The following COG5 variants were observed in gnomAD, a reference collection of about 807,000 sequenced individuals.
The protein encoded by COG5 is conserved oligomeric Golgi complex subunit 5.
COG5 carries 86 observed loss-of-function variants against 110.4 expected under a neutral mutation model. That is an observed-to-expected ratio of 0.78 (90% CI 0.65 to 0.93). The LOEUF (loss-of-function observed/expected upper bound fraction) is 0.93. COG5 is among the 40% of genes least tolerant of loss of function. The pLI is 0.00. For synonymous variants in COG5, 360 were observed against 334.6 expected (o/e 1.08, Z -0.83); for missense variants, 1,077 against 987.0 (o/e 1.09, Z -1.22).
intron 7 of COG5, among the ~76,000 whole-genome samples, chr7:107,396,453 G>C (rs1207241117): frequency 6.8e-6 from 1 of 146,868 alleles, no homozygotes; most frequent in Non-Finnish European, 1.5e-5. Flanking sequence ...TCATACACCA[G>C]AAATCAACTT....
At chr7:107,222,639 A>T (rs1403516372) in intron 19 of COG5, among the ~76,000 whole-genome samples, 1 of 152,228 alleles carries the variant, frequency 6.6e-6, no homozygotes, top group Non-Finnish European at 1.5e-5. Context: ...TGTTTTAAGA[A>T]GCTGAAAGAA....
intron 6 of COG5, among the ~76,000 whole-genome samples, chr7:107,440,459 G>GT (rs1794640529): frequency 6.6e-6 from 1 of 151,816 alleles, no homozygotes; most frequent in Non-Finnish European, 1.5e-5. Context: ...CCCAAATATT[G>GT]TATCAGGTTC....
intron 7 of COG5, among the ~76,000 whole-genome samples, chr7:107,387,815 T>A (rs1404123471): frequency 6.6e-6 from 1 of 152,232 alleles, no homozygotes; most frequent in Non-Finnish European, 1.5e-5. Flanking sequence ...CCCATAAATA[T>A]CGTGAGTGAC....
At chr7:107,331,956 C>G (rs1465676000) in intron 10 of COG5, among the ~76,000 whole-genome samples, 1 of 151,270 alleles carries the variant, frequency 6.6e-6, no homozygotes, top group East Asian at 2.0e-4. Context: ...ATAAATGATT[C>G]CCGTGCCTCA....
chr7:107,398,409 C>T (rs1159959484), intron 7 of COG5, among the ~76,000 whole-genome samples: 1 of 152,188 alleles, frequency 6.6e-6, no homozygotes, highest in Non-Finnish European at 1.5e-5. Context: ...AGCATTATAA[C>T]CTGAGCTCTG....
chr7:107,258,499 G>C (rs1053601133), intron 14 of COG5, 116 bp from the exon 15 acceptor site: 1 of 738,138 alleles, frequency 1.4e-6, no homozygotes, highest in Non-Finnish European at 2.5e-6. Context: ...CCGGGGAGAA[G>C]TTCATGCCCC....
chr7:107,307,581 A>C (rs1807837355), intron 11 of COG5, among the ~76,000 whole-genome samples: 1 of 152,204 alleles, frequency 6.6e-6, no homozygotes, highest in Non-Finnish European at 1.5e-5. Flanking sequence ...ACTCATAATC[A>C]CAAGTATATC....
intron 19 of COG5, among the ~76,000 whole-genome samples, chr7:107,227,522 T>C (rs1219460331): frequency 6.6e-6 from 1 of 152,208 alleles, no homozygotes; most frequent in African/African-American, 2.4e-5. Context: ...AGATTCTTTC[T>C]CTCATGTGAG....
intron 6 of COG5, among the ~76,000 whole-genome samples, chr7:107,420,302 C>T (rs971565558): frequency 2.0e-5 from 3 of 152,058 alleles, no homozygotes; most frequent in East Asian, 1.9e-4. Flanking sequence ...GCATGAAGCA[C>T]GTTTTGTAGA....
chr7:107,543,044 T>C (rs1323016398), intron 5 of COG5, among the ~76,000 whole-genome samples: 1 of 151,348 alleles, frequency 6.6e-6, no homozygotes, highest in African/African-American at 2.4e-5. Flanking sequence ...AAACAGGGTA[T>C]TAAAGCATAA....
At chr7:107,332,680 A>G (rs906616246) in intron 10 of COG5, among the ~76,000 whole-genome samples, 2 of 152,148 alleles carry the variant, frequency 1.3e-5, no homozygotes, top group African/African-American at 4.8e-5. Context: ...GTTTCAGTAG[A>G]GTGAAACCTT....
intron 6 of COG5, among the ~76,000 whole-genome samples, chr7:107,456,607 C>T (rs183758973): frequency 1.8e-4 from 27 of 152,112 alleles, no homozygotes; most frequent in African/African-American, 6.5e-4. Context: ...ATTCTCAGGT[C>T]AGAATAACAG....
intron 6 of COG5, among the ~76,000 whole-genome samples, chr7:107,467,552 ATG>A (rs1454646004): frequency 6.6e-6 from 1 of 152,070 alleles, no homozygotes; most frequent in Non-Finnish European, 1.5e-5. Context: ...GGGTTTCACC[ATG>A]TTGGCCAGAC....
chr7:107,210,409 C>T (rs894228927), intron 21 of COG5, 117 bp downstream of exon 21: 3 of 1,493,438 alleles, frequency 2.0e-6, no homozygotes, highest in Non-Finnish European at 2.7e-6. Context: ...TGGCCCGCCA[C>T]TGGAAGGTGC....
intron 6 of COG5, chr7:107,470,267 C>T (rs1796557678): frequency 1.3e-5 from 2 of 152,326 alleles, no homozygotes; most frequent in Admixed American, 1.3e-4. Flanking sequence ...ATGTTCCATA[C>T]ATTAGCAGTA....
At chr7:107,508,868 A>C (rs1799258726) in intron 6 of COG5, among the ~76,000 whole-genome samples, 1 of 152,204 alleles carries the variant, frequency 6.6e-6, no homozygotes, top group South Asian at 2.1e-4. Flanking sequence ...ACCAAACAGA[A>C]AGGACATCCA....
chr7:107,267,258 A>G (rs1159593155), intron 14 of COG5, among the ~76,000 whole-genome samples: 4 of 152,182 alleles, frequency 2.6e-5, no homozygotes, highest in African/African-American at 9.7e-5. Context: ...CTCCTGTCAA[A>G]ATCTCCACCT....
chr7:107,251,986 A>G (rs61673847), intron 16 of COG5, among the ~76,000 whole-genome samples: 23,783 of 152,146 alleles, frequency 0.16, 2,318 homozygotes, highest in Non-Finnish European at 0.22. Flanking sequence ...CGAGAAAAAA[A>G]CAGGAAGAGA....
At position 107,332,226 on chromosome 7, in the gene COG5, T is replaced by A. The variant is rs527306380; in HGVS notation, c.1027-7705A>T. Among the ~76,000 whole-genome samples, 236 of 152,290 alleles carry A rather than the reference T, an allele frequency of 1.5e-3. 1 individual carries two copies. The highest frequency in any genetic ancestry group is 5.3e-3 in the African/African-American group (222 of 41,558). ...AGCATTTAGAGGTGGTAGAAACTAT[T>A]AGCCTGTGCGAGCTTTTCCATATAT... On this transcript the variant is annotated intron_variant, in intron 10 of 21. Coordinates refer to ENST00000297135, the MANE Select transcript of COG5 (RefSeq NM_006348.5).
Sources: gnomAD v4.1 joint callset for allele counts (sites outside exome capture counted in the v4.1 genomes callset) on GRCh38, gnomAD v4.1.1 for gene constraint, MANE v1.5 for transcripts, NCBI Gene and HGNC (gene_info 2026-07-23, HGNC 2026-07-21) for gene names.